Variants in HNF4A observed in about 807,000 individuals in gnomAD.
The protein encoded by HNF4A is hepatocyte nuclear factor 4-alpha.
HNF4A carries 15 observed loss-of-function variants against 52.4 expected under a neutral mutation model. The ratio of observed to expected loss-of-function variants is 0.29; its 90% CI spans 0.19 to 0.44. The LOEUF is 0.44. Among genes scored for constraint, HNF4A ranks in the 20% least tolerant of loss-of-function variants. HNF4A has a pLI of 1.00. For synonymous variants in HNF4A, 280 were observed against 264.4 expected (o/e 1.06, Z -0.57); for missense variants, 479 against 647.2 (o/e 0.74, Z 2.82).
At chr20:44,356,161 G>T (rs141485440) in intron 1 of HNF4A, among the ~76,000 whole-genome samples, 596 of 152,280 alleles carry the variant, frequency 3.9e-3, no homozygotes, top group Middle Eastern at 0.014. Flanking sequence ...CACAGAGGGT[G>T]GGGCTTGGAA....
rs759351727 is a variant in HNF4A at position 44,423,424 on chromosome 20, G to C, written c.893-594G>C. Among the ~76,000 whole-genome samples the C allele has an allele frequency of 7.0e-4, 107 of 152,216 alleles. 2 individuals carry two copies. Among genetic ancestry groups the C allele is most frequent in the Non-Finnish European group, 2.8e-4 (19 of 68,038 alleles). On this transcript the variant is annotated intron_variant, in intron 7 of 9. Transcript: ENST00000316099. ...ACATCCTGTGTGGTCAGCAGTGATG[G>C]AGGGGCCGCAGAGATTTGGAAACAG...
intron 5 of HNF4A, among the ~76,000 whole-genome samples, chr20:44,417,062 T>G (rs1473346445): frequency 6.6e-6 from 1 of 152,258 alleles, no homozygotes; most frequent in South Asian, 2.1e-4. Flanking sequence ...TTTTAAACAT[T>G]GTGCCTCCAT....
At chr20:44,387,909 T>C (rs1356840296) in intron 1 of HNF4A, among the ~76,000 whole-genome samples, 1 of 152,036 alleles carries the variant, frequency 6.6e-6, no homozygotes, top group Non-Finnish European at 1.5e-5. Context: ...TGCAAGATGT[T>C]GGCTTGAATA....
chr20:44,424,401 T>C, intron 8 of HNF4A, 147 bp downstream of exon 8: 1 of 1,381,166 alleles, frequency 7.2e-7, no homozygotes, highest in Non-Finnish European at 1.0e-6. Context: ...CTCAGTTTCC[T>C]CACCAGAAAA....
intron 3 of HNF4A, among the ~76,000 whole-genome samples, chr20:44,407,792 T>TGTGTGTGTGTGTGTG: frequency 6.6e-6 from 1 of 151,416 alleles, no homozygotes; most frequent in Admixed American, 6.6e-5. Flanking sequence ...TGTGTGTGTG[T>TGTGTGTGTGTGTGTG]TTAATATAAT....
chr20:44,428,442 A>G lies in HNF4A; in HGVS notation c.1237A>G (p.Ser413Gly), dbSNP rs2063838666. ...TGCCAACACAATGCCCACTCACCTC[A>G]GCAACGGACAGATGTGTGAGTGGCC... Residue 413 changes from serine (S) to glycine (G), a missense_variant, in exon 9 of 10, where the codon AGC (serine) becomes GGC (glycine). Physicochemically the swap from Ser to Gly is moderately conservative, Grantham distance 56 (BLOSUM62 0). This residue lies in a region of HNF4A where 389 missense variants were observed against 525.1 expected (regional missense o/e 0.74). Coordinates refer to ENST00000316099, the MANE Select transcript of HNF4A (RefSeq NM_000457.6). 1 of 1,614,070 alleles carries G rather than the reference A, an allele frequency of 6.2e-7. No individual in the cohort carries two copies. The highest frequency in any genetic ancestry group is 1.7e-5 in the Admixed American group (1 of 59,994).
chr20:44,362,278 G>T (rs965034509), intron 1 of HNF4A, among the ~76,000 whole-genome samples: 2 of 151,812 alleles, frequency 1.3e-5, no homozygotes, highest in East Asian at 3.9e-4. Flanking sequence ...AAATTAGCTG[G>T]ACGTGGTGCC....
chr20:44,417,842 G>A (rs924618406), intron 5 of HNF4A, among the ~76,000 whole-genome samples: 1 of 151,830 alleles, frequency 6.6e-6, no homozygotes, highest in South Asian at 2.1e-4. Context: ...GGTGGTGCAC[G>A]CCTGTAGTCT....
chr20:44,423,932 C>T, intron 7 of HNF4A, 86 bp from the exon 8 acceptor site: 1 of 1,308,554 alleles, frequency 7.6e-7, no homozygotes, highest in Non-Finnish European at 1.1e-6. Context: ...TTGTGTGATA[C>T]AAGTCAGGGG....
intron 1 of HNF4A, among the ~76,000 whole-genome samples, chr20:44,375,370 G>A (rs903808050): frequency 1.6e-4 from 24 of 152,074 alleles, no homozygotes; most frequent in African/African-American, 5.8e-4. Context: ...TGTTTACTCT[G>A]TTGATAGTTT....
At chr20:44,416,044 A>T (rs1180814715) in intron 5 of HNF4A, among the ~76,000 whole-genome samples, 3 of 151,630 alleles carry the variant, frequency 2.0e-5, no homozygotes, top group African/African-American at 7.3e-5. Flanking sequence ...TCCCACCCAA[A>T]CCTCCCTGGC....
chr20:44,413,711 G>A lies in HNF4A; in HGVS notation c.403G>A (p.Asp135Asn). Residue 135 changes from aspartate (D) to asparagine (N), a missense_variant, in exon 4 of 10, where the codon GAC becomes AAC. Asp to Asn is a conservative substitution (Grantham distance 23, BLOSUM62 1). Transcript: ENST00000316099. ...CCTCACAGCCGTCCAGAATGAGCGG[G>A]ACCGGATCAGCACTCGAAGGTCAAG... 6.2e-7 allele frequency: 1 copy of A among 1,613,746 alleles called. No homozygotes were observed. Among genetic ancestry groups the A allele is most frequent in the Non-Finnish European group, 8.5e-7 (1 of 1,179,900 alleles).
At chr20:44,367,978 C>G (rs949129381) in intron 1 of HNF4A, among the ~76,000 whole-genome samples, 1 of 149,646 alleles carries the variant, frequency 6.7e-6, no homozygotes, top group Non-Finnish European at 1.5e-5. Context: ...ACCCAAAACA[C>G]GAGAGGAGAG....
chr20:44,410,266 G>T (rs1029321208), intron 3 of HNF4A, among the ~76,000 whole-genome samples: 1 of 152,222 alleles, frequency 6.6e-6, no homozygotes, highest in Admixed American at 6.5e-5. Flanking sequence ...CCAGGGAAAC[G>T]GACATGCTGC....
At chr20:44,400,687 G>A (rs2063395790), upstream of HNF4A, among the ~76,000 whole-genome samples, 1 of 152,186 alleles carries the variant, frequency 6.6e-6, no homozygotes, top group Non-Finnish European at 1.5e-5. Flanking sequence ...GCGGGGAATT[G>A]GAGGTGAATC....
intron 1 of HNF4A, among the ~76,000 whole-genome samples, chr20:44,388,979 A>G (rs2063269060): frequency 6.6e-6 from 1 of 152,228 alleles, no homozygotes; most frequent in Non-Finnish European, 1.5e-5. Context: ...GTGAAGGCCC[A>G]GATCCAAGTT....
At chr20:44,390,556 G>A (rs1475752767) in intron 1 of HNF4A, 1 of 700,536 alleles carries the variant, frequency 1.4e-6, no homozygotes. Flanking sequence ...CGCAGGGTCT[G>A]GGGTGCTGAG....
intron 1 of HNF4A, among the ~76,000 whole-genome samples, chr20:44,361,192 T>C (rs1964406818): frequency 1.3e-5 from 2 of 152,130 alleles, no homozygotes; most frequent in African/African-American, 4.8e-5. Context: ...ATAGGAAACT[T>C]TTTAAAACAA....
At chr20:44,358,500 C>T (rs984479104) in intron 1 of HNF4A, among the ~76,000 whole-genome samples, 1 of 152,020 alleles carries the variant, frequency 6.6e-6, no homozygotes, top group Non-Finnish European at 1.5e-5. Context: ...ATTCCAGCTA[C>T]TTGGGAGGCT....
Sources: gnomAD v4.1 joint callset for allele counts (sites outside exome capture counted in the v4.1 genomes callset) on GRCh38, gnomAD v4.1.1 for gene constraint, gnomAD v4.1.1 regional missense constraint, MANE v1.5 for transcripts, NCBI Gene and HGNC (gene_info 2026-07-23, HGNC 2026-07-21) for gene names.